The following HYI variants were observed in gnomAD, a reference collection of about 807,000 sequenced individuals.
HYI encodes the protein putative hydroxypyruvate isomerase.
In HYI, 47 loss-of-function variants were observed where a neutral mutation model predicts 39.7. That is an observed-to-expected ratio of 1.18 (90% CI 0.94 to 1.51). The LOEUF (loss-of-function observed/expected upper bound fraction) is 1.51. Among genes scored for constraint, HYI ranks in the 40% most tolerant of loss-of-function variants. The pLI is 0.00. For synonymous variants in HYI, 186 were observed against 158.8 expected (o/e 1.17, Z -1.29); for missense variants, 465 against 370.3 (o/e 1.26, Z -2.10).
At chr1:43,453,209 A>C in intron 2 of HYI, 177 bp downstream of exon 2, 1 of 640,360 alleles carries the variant, frequency 1.6e-6, no homozygotes, top group South Asian at 1.9e-5. Flanking sequence ...AGTGGCAAAC[A>C]GAGTGGCATA....
At position 43,451,365 on chromosome 1, in the gene HYI, T is replaced by C. The variant is rs775891802; in HGVS notation, c.760+45A>G. 19 of 1,612,218 alleles carry C rather than the reference T, an allele frequency of 1.2e-5. No homozygotes were observed. In the South Asian group the frequency reaches 1.8e-4, roughly 15 times the overall value. On this transcript the variant is annotated intron_variant, in intron 7 of 7. Transcript: ENST00000372430. ...CAGCCCACAAGGAGAAAACAGCCCC[T>C]GTCCGGGTCCCTCCAGAGCTCCCTT... is the stretch of plus-strand genomic sequence containing the variant.
chr1:43,453,886 T>C lies in HYI; in HGVS notation c.-93A>G. 2 of 1,222,990 alleles carry C rather than the reference T, an allele frequency of 1.6e-6. No homozygotes were observed. Among genetic ancestry groups the C allele is most frequent in the Non-Finnish European group, 2.0e-6 (2 of 984,100 alleles). 75.8% of individuals were successfully genotyped at this position (1,222,990 alleles called of 1,614,324 possible). On this transcript the variant is annotated 5_prime_UTR_variant, in exon 1 of 8. Transcript: ENST00000372430. ...CGGGCGGGGGCGGGGCTCTCCTTGC[T>C]GGCCCTGCGAACGAACGAGCACTGT...
chr1:43,453,898 C>A lies in HYI; in HGVS notation c.-105G>T, dbSNP rs1318532064. 4 of 1,216,254 alleles carry A rather than the reference C, an allele frequency of 3.3e-6. No homozygotes were observed. The highest frequency in any genetic ancestry group is 3.1e-6 in the Non-Finnish European group (3 of 979,064). 75.3% of individuals were successfully genotyped at this position (1,216,254 alleles called of 1,614,324 possible). ...GGGCTCTCCTTGCTGGCCCTGCGAA[C>A]GAACGAGCACTGTTCGTGGTTAGAA... On this transcript the variant is annotated 5_prime_UTR_variant, in exon 1 of 8. Coordinates refer to ENST00000372430, the MANE Select transcript of HYI (RefSeq NM_001190880.3).
At position 43,453,644 on chromosome 1, in the gene HYI, G is replaced by A. The variant is rs1028691456; in HGVS notation, c.150C>T (p.Arg50=). The change falls in exon 1 of 8, where the codon CGC becomes CGT. Residue 50 remains arginine, a synonymous_variant. Transcript: ENST00000372430. Reference sequence around the variant, plus strand: ...GCCGCAGCCCCGCTTCTCGCGCGGCGCGCGCCAGCGCCTCAGGCGTCTCCG... The same window carrying A: ...GCCGCAGCCCCGCTTCTCGCGCGGCACGCGCCAGCGCCTCAGGCGTCTCCG... ...PYAETPEALA[R]AAREAGLRLV... 3.4e-6 allele frequency: 5 copies of A among 1,490,370 alleles called. No individual in the cohort carries two copies. In the African/African-American group the frequency reaches 7.3e-5, roughly 22 times the overall value. 92.3% of individuals were successfully genotyped at this position (1,490,370 alleles called of 1,614,324 possible).
chr1:43,451,387 C>T, intron 7 of HYI, 23 bp downstream of exon 7: 2 of 1,612,006 alleles, frequency 1.2e-6, no homozygotes, highest in East Asian at 4.5e-5. Context: ...TCCAGAGCTC[C>T]CTTCCCCAGG....
rs2153938909 is a variant in HYI at position 43,453,636 on chromosome 1, CG to C, written c.157del (p.Arg53GlufsTer9). 6.7e-7 allele frequency: 1 copy of C among 1,491,624 alleles called. No individual in the cohort carries two copies. Among genetic ancestry groups the C allele is most frequent in the African/African-American group, 1.5e-5 (1 of 68,260 alleles). The allele number at this position is 1,491,624 out of a possible 1,614,324, so 92.4% of individuals were successfully genotyped here. On this transcript the variant is annotated frameshift_variant, in exon 1 of 8. Coordinates refer to ENST00000372430, the MANE Select transcript of HYI (RefSeq NM_001190880.3). LOFTEE classifies it high-confidence loss of function. The part of the protein sequence containing the change: ...ETPEALARAA[R>X]EAGLRLVLIN... ...CAGTACAAGCCGCAGCCCCGCTTCT[CG>C]CGCGGCGCGCGCCAGCGCCTCAGGC...
chr1:43,453,420 C>A lies in HYI; in HGVS notation c.277G>T (p.Ala93Ser). Residue 93 changes from alanine to serine, a missense_variant, in exon 2 of 8, where the codon GCC becomes TCC. Transcript: ENST00000372430. ...QAAFREGLEQ[A>S]VRYAKALGCP... ...CCCAGGGCTTTGGCATACCGCACGGCCTGCTCCAGTCCCTCTCGGAAGGCC... is the reference window on the plus strand; with the variant it reads ...CCCAGGGCTTTGGCATACCGCACGGACTGCTCCAGTCCCTCTCGGAAGGCC... 6.4e-7 allele frequency: 1 copy of A among 1,560,202 alleles called. No individual in the cohort carries two copies.
chr1:43,450,729 C>A, downstream of HYI: 1 of 705,122 alleles, frequency 1.4e-6, no homozygotes, highest in Non-Finnish European at 2.5e-6. The surrounding 1 kb of genome is among the most constrained non-coding windows in gnomAD (Gnocchi z 4.3). Flanking sequence ...CCCGAGGACC[C>A]CTTGGGCCCT....
Position 43,453,772 on chromosome 1 carries a change from C to T in HYI, c.22G>A (p.Ala8Thr), listed in dbSNP as rs866699285. The change falls in exon 1 of 8, where the codon GCC (alanine) becomes ACC (threonine). Residue 8 changes from alanine to threonine, a missense_variant. Ala to Thr is a moderately conservative substitution (Grantham distance 58). Coordinates refer to ENST00000372430, the MANE Select transcript of HYI (RefSeq NM_001190880.3). MAPLRFS[A>T]NLSWLFPELS... ...TCGGGGAATAGCCAGGACAGATTGG[C>T]GGAGAAGCGCAGCGGCGCCATGCCT... The T allele has an allele frequency of 2.3e-6, 3 of 1,292,634 alleles. No individual in the cohort carries two copies. The highest frequency in any genetic ancestry group is 1.5e-5 in the African/African-American group (1 of 64,786). 80.1% of individuals were successfully genotyped at this position (1,292,634 alleles called of 1,614,324 possible).
chr1:43,451,829 T>A lies in HYI; in HGVS notation c.524A>T (p.Lys175Met), dbSNP rs1326294635. Residue 175 changes from lysine to methionine, a missense_variant, in exon 5 of 8, where the codon AAG becomes ATG. Lys to Met is a moderately conservative substitution (Grantham distance 95). Coordinates refer to ENST00000372430, the MANE Select transcript of HYI (RefSeq NM_001190880.3). ...TPQQAAAILQ[K>M]VGRPNLQLQM... ...TAATTGGAGGTTGGGTCTTCCTACC[T>A]TCTGTAAGATGGCTGCCGCTGTAAG... is the stretch of plus-strand genomic sequence containing the variant. 3.7e-6 allele frequency: 6 copies of A among 1,614,040 alleles called. No individual in the cohort carries two copies. The highest frequency in any genetic ancestry group is 1.7e-5 in the Admixed American group (1 of 60,018).
chr1:43,451,893 G>A, intron 4 of HYI, 42 bp downstream of exon 4: 2 of 1,613,806 alleles, frequency 1.2e-6, no homozygotes, highest in East Asian at 2.2e-5. Flanking sequence ...AAGAGCACAG[G>A]AATCAAAAGG....
chr1:43,453,837 C>G lies in HYI; in HGVS notation c.-44G>C, dbSNP rs970590652. 3 of 1,156,646 alleles carry G rather than the reference C, an allele frequency of 2.6e-6. No homozygotes were observed. In the South Asian group the frequency reaches 1.2e-4, roughly 46 times the overall value. The allele number at this position is 1,156,646 out of a possible 1,614,324, so 71.6% of individuals were successfully genotyped here. On this transcript the variant is annotated 5_prime_UTR_variant, in exon 1 of 8. Transcript: ENST00000372430. The stretch of plus-strand genomic sequence containing the variant: ...GGGCGGAGTCCGCGGGATCCAAAGG[C>G]GGCGGGCGGCGGGCGGCGGGCGGCG...
downstream of HYI, chr1:43,450,840 C>T (rs1183216731): frequency 1.4e-6 from 1 of 712,108 alleles, no homozygotes; most frequent in South Asian, 1.4e-5. The surrounding 1 kb of genome is among the most constrained non-coding windows in gnomAD (Gnocchi z 4.3). Context: ...GCCCCCTAGC[C>T]TTTGACCACT....
chr1:43,452,684 C>A, intron 2 of HYI: 1 of 606,546 alleles, frequency 1.6e-6, no homozygotes, highest in Non-Finnish European at 2.9e-6. Flanking sequence ...CCTCTCCTCG[C>A]ATCTACTTAG....
At chr1:43,453,186 GT>G in intron 2 of HYI, 199 bp downstream of exon 2, 3 of 647,750 alleles carry the variant, frequency 4.6e-6, no homozygotes, top group Non-Finnish European at 8.3e-6. Context: ...CCAGCATGGG[GT>G]GAGCATGAAA....
Position 43,453,826 on chromosome 1 carries a change from G to A in HYI, c.-33C>T, listed in dbSNP as rs1656746600. 1 of 1,230,512 alleles carries A rather than the reference G, an allele frequency of 8.1e-7. No homozygotes were observed. Among genetic ancestry groups the A allele is most frequent in the Non-Finnish European group, 1.0e-6 (1 of 988,744 alleles). The allele number at this position is 1,230,512 out of a possible 1,614,324, so 76.2% of individuals were successfully genotyped here. A position where few individuals can be genotyped will look rare whatever the true frequency, so the allele number is the denominator to read the frequency against. On this transcript the variant is annotated 5_prime_UTR_variant, in exon 1 of 8. Transcript: ENST00000372430. ...GAGGCCGGGCCGGGCGGAGTCCGCG[G>A]GATCCAAAGGCGGCGGGCGGCGGGC...
In HYI at chr1:43,451,327, G is replaced by C; in HGVS notation, c.761-16C>G. On this transcript the variant is annotated splice_polypyrimidine_tract_variant and intron_variant, in intron 7 of 7. Coordinates refer to ENST00000372430, the MANE Select transcript of HYI (RefSeq NM_001190880.3). ...ACTGTGTCTCCTGCAGGGAGAGGGA[G>C]GCCTCGGCACCTCAGCCCACAAGGA... 6.2e-7 allele frequency: 1 copy of C among 1,613,410 alleles called. No individual in the cohort carries two copies. The highest frequency in any genetic ancestry group is 8.5e-7 in the Non-Finnish European group (1 of 1,180,024).
Position 43,453,834 on chromosome 1 carries a change from A to AGGCGGGG in HYI, c.-42_-41insCCCCGCC. On this transcript the variant is annotated 5_prime_UTR_variant, in exon 1 of 8. Coordinates refer to ENST00000372430, the MANE Select transcript of HYI (RefSeq NM_001190880.3). ...GCCGGGCGGAGTCCGCGGGATCCAA[A>AGGCGGGG]GGCGGCGGGCGGCGGGCGGCGGGCG... 3.3e-6 allele frequency: 4 copies of AGGCGGGG among 1,194,562 alleles called. No homozygotes were observed. The highest frequency in any genetic ancestry group is 4.2e-6 in the Non-Finnish European group (4 of 961,542). 74.0% of individuals were successfully genotyped at this position (1,194,562 alleles called of 1,614,324 possible).
At chr1:43,451,756 C>T in intron 5 of HYI, 39 bp from the exon 6 acceptor site, 1 of 1,613,936 alleles carries the variant, frequency 6.2e-7, no homozygotes, top group Non-Finnish European at 8.5e-7. Flanking sequence ...CCCCGCAGGC[C>T]CCGCCCTCCT....
Sources: allele counts gnomAD v4.1 joint callset, GRCh38; gene constraint gnomAD v4.1.1; non-coding constraint Gnocchi (gnomAD v3.1); transcripts MANE v1.5; gene names NCBI Gene and HGNC (gene_info 2026-07-23, HGNC 2026-07-21).